COL26A1: variants seen among roughly 807,000 people sequenced by gnomAD.
The protein encoded by COL26A1 is collagen alpha-1(XXVI) chain.
Under a neutral mutation model 59.3 loss-of-function variants are expected in COL26A1, and 41 were observed. The observed-to-expected ratio is 0.69, with a 90% confidence interval of 0.54 to 0.90. The LOEUF (loss-of-function observed/expected upper bound fraction) is 0.90. COL26A1 is among the 40% of genes least tolerant of loss of function. The pLI, the probability that COL26A1 is intolerant of heterozygous loss-of-function variation, is 0.00. For synonymous variants in COL26A1, 266 were observed against 256.0 expected, an observed-to-expected ratio of 1.04 and a Z score of -0.37; for missense variants, 612 against 602.3, an observed-to-expected ratio of 1.02 and a Z score of -0.17.
intron 3 of COL26A1, among the ~76,000 whole-genome samples, chr7:101,468,818 C>T (rs1793826812): frequency 6.6e-6 from 1 of 152,212 alleles, no homozygotes; most frequent in African/African-American, 2.4e-5. Flanking sequence ...GCCCTGGAGG[C>T]CAAGCCCTTG....
intron 9 of COL26A1, among the ~76,000 whole-genome samples, 182 bp downstream of exon 9, chr7:101,549,405 G>T (rs951420777): frequency 7.2e-5 from 11 of 151,992 alleles, no homozygotes; most frequent in African/African-American, 2.4e-4. Flanking sequence ...TTTTTGAGAT[G>T]GAGTCTCTCT....
intron 1 of COL26A1, among the ~76,000 whole-genome samples, chr7:101,367,524 G>A (rs973841422): frequency 1.8e-5 from 2 of 109,138 alleles, no homozygotes; most frequent in Non-Finnish European, 3.6e-5. Flanking sequence ...AATTAGCCGG[G>A]CGTGGTGGTG....
chr7:101,423,966 G>A (rs919025572), intron 2 of COL26A1, among the ~76,000 whole-genome samples: 3 of 152,062 alleles, frequency 2.0e-5, no homozygotes, highest in African/African-American at 7.2e-5. Context: ...TTACATAGGA[G>A]GCTGAGGCAG....
chr7:101,384,126 A>C (rs1014429750), intron 1 of COL26A1, among the ~76,000 whole-genome samples: 3 of 150,712 alleles, frequency 2.0e-5, no homozygotes, highest in African/African-American at 4.9e-5. Flanking sequence ...TGATCCTCCC[A>C]TCCCAGCCTT....
At chr7:101,375,678 GAAGAAAGA>G (rs750689820) in intron 1 of COL26A1, among the ~76,000 whole-genome samples, 3 of 150,402 alleles carry the variant, frequency 2.0e-5, no homozygotes, top group South Asian at 2.1e-4. Context: ...CATATCTACA[GAAGAAAGA>G]AAGAAAGAAA....
intron 3 of COL26A1, among the ~76,000 whole-genome samples, chr7:101,522,821 T>TA (rs34459389): frequency 5.9e-4 from 85 of 144,748 alleles, no homozygotes; most frequent in Middle Eastern, 3.5e-3. Context: ...AATACTTGGT[T>TA]AAAAAAAAAA....
rs2130675912 is a variant in COL26A1 at position 101,549,159 on chromosome 7, C to T, written c.941-12C>T. On this transcript the variant is annotated splice_polypyrimidine_tract_variant and intron_variant, in intron 8 of 12. Transcript: ENST00000313669. Reference sequence around the variant, plus strand: ...TCTGGCCCCAGGTGACCATCTGTGACTCTGCCCACAGGTCCCCCTGGGCCT... The same window carrying T: ...TCTGGCCCCAGGTGACCATCTGTGATTCTGCCCACAGGTCCCCCTGGGCCT... 1.9e-6 allele frequency: 3 copies of T among 1,564,756 alleles called. No homozygotes were observed. The highest frequency in any genetic ancestry group is 2.3e-5 in the South Asian group (2 of 85,596).
intron 9 of COL26A1, 21 bp downstream of exon 9, chr7:101,549,244 G>A: frequency 6.3e-7 from 1 of 1,589,752 alleles, no homozygotes; most frequent in East Asian, 2.3e-5. Context: ...TGCCATTTTA[G>A]GTAGGGTGTG....
intron 3 of COL26A1, among the ~76,000 whole-genome samples, chr7:101,498,720 A>C (rs1000897807): frequency 1.3e-5 from 2 of 152,200 alleles, no homozygotes; most frequent in African/African-American, 4.8e-5. Context: ...GCAAGCAGTG[A>C]GATGTTCTTC....
At chr7:101,527,876 C>A (rs765975465) in intron 3 of COL26A1, among the ~76,000 whole-genome samples, 1 of 152,074 alleles carries the variant, frequency 6.6e-6, no homozygotes, top group Non-Finnish European at 1.5e-5. Context: ...TAGAGTAGTT[C>A]GGGCAGGGCC....
chr7:101,539,799 T>G, intron 4 of COL26A1, 94 bp from the exon 5 acceptor site: 2 of 1,274,622 alleles, frequency 1.6e-6, no homozygotes, highest in Non-Finnish European at 1.1e-6. Flanking sequence ...CAGCTGCAGG[T>G]CTCATGGGGT....
intron 8 of COL26A1, among the ~76,000 whole-genome samples, chr7:101,547,769 ATTCATTCG>A (rs992554480): frequency 1.3e-5 from 2 of 152,078 alleles, no homozygotes; most frequent in Non-Finnish European, 1.5e-5. Context: ...TCATTTATTC[ATTCATTCG>A]TTCATTCATT....
At chr7:101,406,043 C>T (rs1792121442) in intron 1 of COL26A1, among the ~76,000 whole-genome samples, 1 of 152,186 alleles carries the variant, frequency 6.6e-6, no homozygotes, top group African/African-American at 2.4e-5. Flanking sequence ...GCCCCTCTCC[C>T]TCCTCCCCGG....
At chr7:101,506,680 T>C (rs1794818475) in intron 3 of COL26A1, among the ~76,000 whole-genome samples, 1 of 152,254 alleles carries the variant, frequency 6.6e-6, no homozygotes, top group African/African-American at 2.4e-5. Flanking sequence ...ATTTGCTCCT[T>C]CTGATTAGTC....
chr7:101,442,591 A>G (rs1376883506), intron 2 of COL26A1, among the ~76,000 whole-genome samples: 1 of 152,188 alleles, frequency 6.6e-6, no homozygotes, highest in Non-Finnish European at 1.5e-5. Flanking sequence ...GTTAAAATAG[A>G]ACCTGTGTGA....
intron 3 of COL26A1, among the ~76,000 whole-genome samples, chr7:101,513,355 G>A (rs903484008): frequency 9.3e-5 from 14 of 150,070 alleles, no homozygotes; most frequent in African/African-American, 3.4e-4. Flanking sequence ...TTTATTCTGA[G>A]ACAGAGTCGC....
At chr7:101,545,201 G>T in intron 6 of COL26A1, 137 bp from the exon 7 acceptor site, 1 of 695,574 alleles carries the variant, frequency 1.4e-6, no homozygotes. Flanking sequence ...GAAGACTGTG[G>T]ATCGGAGGTC....
At chr7:101,421,824 A>C (rs973428070) in intron 2 of COL26A1, among the ~76,000 whole-genome samples, 7 of 152,128 alleles carry the variant, frequency 4.6e-5, no homozygotes, top group Non-Finnish European at 8.8e-5. Flanking sequence ...CCTGTTTCTC[A>C]TCATACTATC....
chr7:101,553,228 C>T, intron 10 of COL26A1, 98 bp from the exon 11 acceptor site: 2 of 1,108,758 alleles, frequency 1.8e-6, no homozygotes, highest in South Asian at 2.7e-5. Context: ...GCCTGCCCAG[C>T]CTGCCCCTGA....
Sources: allele counts gnomAD v4.1 joint callset (sites outside exome capture counted in the v4.1 genomes callset), GRCh38; gene constraint gnomAD v4.1.1; transcripts MANE v1.5; gene names NCBI Gene and HGNC (gene_info 2026-07-23, HGNC 2026-07-21).